CCDC148: variants seen among roughly 807,000 people sequenced by gnomAD.
The protein encoded by CCDC148 is coiled-coil domain-containing protein 148.
A neutral mutation model predicts 85.7 loss-of-function variants in CCDC148; 89 were observed. The observed-to-expected ratio is 1.04, with a 90% CI of 0.87 to 1.24. The LOEUF (loss-of-function observed/expected upper bound fraction) is 1.24. Ranked by LOEUF, CCDC148 falls within the 50% of genes most tolerant of loss-of-function variation. The pLI is 0.00. For synonymous variants in CCDC148, 230 were observed against 213.9 expected (o/e 1.08, Z -0.66); for missense variants, 692 against 671.7 (o/e 1.03, Z -0.33).
intron 7 of CCDC148, among the ~76,000 whole-genome samples, chr2:158,333,109 T>C (rs985770975): frequency 1.3e-5 from 2 of 152,188 alleles, no homozygotes; most frequent in African/African-American, 2.4e-5. Flanking sequence ...TCTCTAGTGA[T>C]ATTTGGGTAT....
chr2:158,292,213 C>T (rs899378543), intron 9 of CCDC148, among the ~76,000 whole-genome samples: 26 of 151,998 alleles, frequency 1.7e-4, no homozygotes, highest in African/African-American at 6.3e-4. Context: ...ACTCAATATA[C>T]ATTATTTTAG....
chr2:158,198,480 C>A (rs764498563), intron 11 of CCDC148, among the ~76,000 whole-genome samples: 1 of 152,302 alleles, frequency 6.6e-6, no homozygotes. Flanking sequence ...AATGGCCCAA[C>A]TTCATGGTCA....
intron 8 of CCDC148, among the ~76,000 whole-genome samples, chr2:158,310,974 C>G (rs75379634): frequency 6.6e-6 from 1 of 151,726 alleles, no homozygotes; most frequent in African/African-American, 2.4e-5. Context: ...GGAAGAGGCG[C>G]TCTTCACTTC....
At chr2:158,420,065 C>G (rs1192578267) in intron 1 of CCDC148, 2 of 151,970 alleles carry the variant, frequency 1.3e-5, no homozygotes, top group Admixed American at 6.6e-5. Context: ...ACAGAGGGAC[C>G]CAAGATGAAT....
chr2:158,367,084 G>C (rs79635006), intron 1 of CCDC148, among the ~76,000 whole-genome samples: 10,818 of 152,176 alleles, frequency 0.071, 534 homozygotes, highest in South Asian at 0.12. Flanking sequence ...ACAGACAGGA[G>C]TGGCAAATGT....
At chr2:158,292,795 C>G (rs979698452) in intron 9 of CCDC148, among the ~76,000 whole-genome samples, 1 of 152,172 alleles carries the variant, frequency 6.6e-6, no homozygotes, top group African/African-American at 2.4e-5. Context: ...GCAGATTTTA[C>G]AGTGCAATTT....
chr2:158,249,360 G>T (rs1688697897), intron 10 of CCDC148, among the ~76,000 whole-genome samples: 1 of 152,108 alleles, frequency 6.6e-6, no homozygotes, highest in Non-Finnish European at 1.5e-5. Context: ...TAATTGGTAA[G>T]TTCCCCTATT....
Position 158,171,470 on chromosome 2 carries a change from A to G in CCDC148, c.*643T>C, listed in dbSNP as rs1485513427. The G allele has an allele frequency of 6.6e-6, 1 of 152,006 alleles. No individual in the cohort carries two copies. Among genetic ancestry groups the G allele is most frequent in the Non-Finnish European group, 1.5e-5 (1 of 67,978 alleles). The allele number at this position is 152,006 out of a possible 1,614,324, so 9.4% of individuals were successfully genotyped here. A position where few individuals can be genotyped will look rare whatever the true frequency, so the allele number is the denominator to read the frequency against. On this transcript the variant is annotated 3_prime_UTR_variant, in exon 14 of 14. Coordinates refer to ENST00000283233, the MANE Select transcript of CCDC148 (RefSeq NM_138803.4). ...CATTCCAAATATTATGAAATTTTAA[A>G]TATTTCTTCTAAACAATCACACAAA...
chr2:158,267,010 A>T (rs147574542), intron 9 of CCDC148, among the ~76,000 whole-genome samples: 5 of 151,842 alleles, frequency 3.3e-5, no homozygotes, highest in Non-Finnish European at 7.4e-5. Flanking sequence ...GATGGGCATG[A>T]AATTATACCC....
chr2:158,415,419 C>A (rs1172408349), intron 1 of CCDC148, among the ~76,000 whole-genome samples: 2 of 152,160 alleles, frequency 1.3e-5, no homozygotes, highest in Non-Finnish European at 2.9e-5. Flanking sequence ...GATTACAATT[C>A]AACATGAGAT....
intron 1 of CCDC148, among the ~76,000 whole-genome samples, chr2:158,438,811 C>T (rs1014058882): frequency 1.6e-4 from 24 of 152,168 alleles, no homozygotes; most frequent in South Asian, 4.2e-4. Context: ...AAAAAGTGGG[C>T]GAAGGATATG....
chr2:158,175,985 C>G (rs2105257952), intron 13 of CCDC148, among the ~76,000 whole-genome samples: 1 of 152,074 alleles, frequency 6.6e-6, no homozygotes, highest in South Asian at 2.1e-4. Context: ...TTCTCAGGCA[C>G]AGATTAAAAT....
At chr2:158,283,375 A>G (rs4584984) in intron 9 of CCDC148, among the ~76,000 whole-genome samples, 69,628 of 151,942 alleles carry the variant, frequency 0.46, 16,430 homozygotes, top group East Asian at 0.65. Flanking sequence ...TTTGCAATCT[A>G]CTCATCTGAC....
chr2:158,423,362 G>C (rs1686901736), intron 1 of CCDC148, among the ~76,000 whole-genome samples: 1 of 152,088 alleles, frequency 6.6e-6, no homozygotes, highest in South Asian at 2.1e-4. Flanking sequence ...AAAACAGCAG[G>C]GTACTGGTAC....
At chr2:158,429,791 A>C (rs1206570876) in intron 1 of CCDC148, among the ~76,000 whole-genome samples, 1 of 152,202 alleles carries the variant, frequency 6.6e-6, no homozygotes, top group Non-Finnish European at 1.5e-5. Context: ...ATTGGATAAC[A>C]GGCAAAACAT....
intron 9 of CCDC148, among the ~76,000 whole-genome samples, chr2:158,289,902 G>C (rs2105186204): frequency 6.6e-6 from 1 of 152,300 alleles, no homozygotes; most frequent in South Asian, 2.1e-4. Context: ...ACACAGTACG[G>C]TAACATACTA....
At chr2:158,250,117 A>G (rs549468010) in intron 10 of CCDC148, among the ~76,000 whole-genome samples, 81 of 152,206 alleles carry the variant, frequency 5.3e-4, no homozygotes, top group African/African-American at 1.9e-3. Flanking sequence ...GTGGGAAAAA[A>G]CATAAATGCC....
chr2:158,351,384 T>A (rs1683271578), intron 2 of CCDC148, among the ~76,000 whole-genome samples: 1 of 152,098 alleles, frequency 6.6e-6, no homozygotes, highest in African/African-American at 2.4e-5. Context: ...GGGCGCAACG[T>A]GCGCGAGCCG....
chr2:158,209,759 A>T lies in CCDC148; in HGVS notation c.1370+10836T>A, dbSNP rs140631190. ...AATAAAATCCTTTACAGACAAGCTAATGCTGAGAGATTCTGTCACCACCAG... is the reference window on the plus strand; with the variant it reads ...AATAAAATCCTTTACAGACAAGCTATTGCTGAGAGATTCTGTCACCACCAG... On this transcript the variant is annotated intron_variant, in intron 11 of 13. Coordinates refer to ENST00000283233, the MANE Select transcript of CCDC148 (RefSeq NM_138803.4). Among the ~76,000 whole-genome samples, 18 of 152,322 alleles carry T rather than the reference A, an allele frequency of 1.2e-4. No individual in the cohort carries two copies. In the East Asian group the frequency reaches 3.5e-3, roughly 29 times the overall value.
Sources: allele counts gnomAD v4.1 joint callset (sites outside exome capture counted in the v4.1 genomes callset), GRCh38; gene constraint gnomAD v4.1.1; transcripts MANE v1.5; gene names NCBI Gene and HGNC (gene_info 2026-07-23, HGNC 2026-07-21).